Variants in MCTP1 observed in about 807,000 individuals in gnomAD.
The protein encoded by MCTP1 is multiple C2 and transmembrane domain containing 1, also known as multiple C2 and transmembrane domain-containing protein 1.
In MCTP1, 69 loss-of-function variants were observed where a neutral mutation model predicts 120.6. The ratio of observed to expected loss-of-function variants is 0.57; its 90% CI spans 0.47 to 0.70. The LOEUF is 0.70. Ranked by LOEUF, MCTP1 falls within the 30% of genes least tolerant of loss-of-function variation. The probability of loss-of-function intolerance (pLI) is 0.00; values close to 1 mark genes in which losing one functional copy is unlikely to be tolerated. For missense variants in MCTP1, 1,203 were observed against 1,248.8 expected (o/e 0.96, Z 0.55); for synonymous variants, 529 against 493.1 (o/e 1.07, Z -0.96).
At chr5:95,037,343 C>T (rs1841518966) in intron 1 of MCTP1, among the ~76,000 whole-genome samples, 1 of 152,148 alleles carries the variant, frequency 6.6e-6, no homozygotes, top group South Asian at 2.1e-4. Context: ...TAGGAAAAAG[C>T]AACGAGGTGA....
At chr5:95,178,915 GA>G (rs769755204) in intron 1 of MCTP1, among the ~76,000 whole-genome samples, 41 of 152,138 alleles carry the variant, frequency 2.7e-4, no homozygotes, top group Admixed American at 7.2e-4. Context: ...CCAACTTAAA[GA>G]AATCAAAAAC....
chr5:95,276,364 T>C (rs774693371), intron 1 of MCTP1, among the ~76,000 whole-genome samples: 5 of 147,318 alleles, frequency 3.4e-5, no homozygotes, highest in Non-Finnish European at 5.9e-5. Flanking sequence ...GTTCAAGCGA[T>C]TCTCCTGTCT....
chr5:94,886,806 G>C (rs575428127), intron 12 of MCTP1, among the ~76,000 whole-genome samples: 1 of 152,200 alleles, frequency 6.6e-6, no homozygotes, highest in South Asian at 2.1e-4. Flanking sequence ...AGAGAAAGCA[G>C]ACAAAGAACT....
intron 19 of MCTP1, among the ~76,000 whole-genome samples, chr5:94,741,435 C>A (rs890623048): frequency 2.0e-5 from 3 of 152,180 alleles, no homozygotes; most frequent in Non-Finnish European, 4.4e-5. Flanking sequence ...ACATTTATAT[C>A]TGCTTTTGGT....
At chr5:94,879,509 A>G (rs1268418585) in intron 12 of MCTP1, among the ~76,000 whole-genome samples, 1 of 152,150 alleles carries the variant, frequency 6.6e-6, no homozygotes, top group Non-Finnish European at 1.5e-5. Context: ...TAATTCTTAA[A>G]CATTTTGATC....
chr5:94,897,825 C>T (rs1157175610), intron 10 of MCTP1, among the ~76,000 whole-genome samples: 2 of 152,158 alleles, frequency 1.3e-5, no homozygotes, highest in African/African-American at 4.8e-5. Flanking sequence ...TCTTCTCCCT[C>T]CTCCCAAACT....
intron 1 of MCTP1, among the ~76,000 whole-genome samples, chr5:95,170,724 G>A (rs1747149104): frequency 6.6e-6 from 1 of 152,118 alleles, no homozygotes; most frequent in Non-Finnish European, 1.5e-5. Flanking sequence ...CAGAGACTGG[G>A]ATTGCAACCC....
chr5:94,743,525 G>C (rs1766084187), intron 19 of MCTP1, among the ~76,000 whole-genome samples: 1 of 152,116 alleles, frequency 6.6e-6, no homozygotes, highest in Non-Finnish European at 1.5e-5. Flanking sequence ...GGCTGGGTGA[G>C]AGCATGGGGC....
At chr5:94,889,076 G>C in intron 11 of MCTP1, 104 bp from the exon 12 acceptor site, 1 of 711,668 alleles carries the variant, frequency 1.4e-6, no homozygotes, top group South Asian at 1.9e-5. Context: ...AGACTCTGGG[G>C]GTAAGAAGAT....
intron 12 of MCTP1, 145 bp downstream of exon 12, chr5:94,888,734 G>A: frequency 1.9e-6 from 1 of 521,566 alleles, no homozygotes. Context: ...TCAGGGGGTT[G>A]GCAAATATTT....
rs1277151839 is a variant in MCTP1 at position 94,928,676 on chromosome 5, G to A, written c.1212+3277C>T. On this transcript the variant is annotated intron_variant, in intron 6 of 22. Coordinates refer to ENST00000515393, the MANE Select transcript of MCTP1 (RefSeq NM_024717.7). ...AATGAGTCTTTTGAAGGATGGTTCT[G>A]TCCCTAGAAGAGGCAATATTATGGA... 2.0e-5 allele frequency among the ~76,000 whole-genome samples: 3 copies of A among 152,208 alleles called. No individual in the cohort carries two copies. The East Asian group carries it at 5.8e-4, about 29-fold the overall frequency.
chr5:95,266,209 T>C (rs919914460), intron 1 of MCTP1, among the ~76,000 whole-genome samples: 1 of 152,218 alleles, frequency 6.6e-6, no homozygotes, highest in African/African-American at 2.4e-5. Context: ...TAAATAAATA[T>C]GCAGGCCATG....
At chr5:94,781,644 T>C (rs1776600234) in intron 18 of MCTP1, among the ~76,000 whole-genome samples, 3 of 152,176 alleles carry the variant, frequency 2.0e-5, no homozygotes, top group Admixed American at 2.0e-4. Flanking sequence ...AAAATAAGAT[T>C]AAGCCATAAA....
intron 18 of MCTP1, among the ~76,000 whole-genome samples, chr5:94,797,430 G>C (rs1225362429): frequency 1.3e-5 from 2 of 152,006 alleles, no homozygotes; most frequent in Non-Finnish European, 2.9e-5. Context: ...AAGTAAATGG[G>C]ACAAAAAAGC....
intron 17 of MCTP1, among the ~76,000 whole-genome samples, chr5:94,803,097 A>G (rs1348992976): frequency 6.6e-6 from 1 of 152,230 alleles, no homozygotes; most frequent in East Asian, 1.9e-4. Context: ...CCAATTCCAA[A>G]CAAAACATCT....
At chr5:95,273,447 C>T (rs895745337) in intron 1 of MCTP1, among the ~76,000 whole-genome samples, 25 of 152,174 alleles carry the variant, frequency 1.6e-4, no homozygotes, top group Non-Finnish European at 1.3e-4. Flanking sequence ...CCTTGGATCC[C>T]AACCTCCTTC....
intron 8 of MCTP1, among the ~76,000 whole-genome samples, chr5:94,914,602 A>G (rs1358585851): frequency 1.3e-5 from 2 of 152,030 alleles, no homozygotes; most frequent in Non-Finnish European, 2.9e-5. Context: ...TGCCCTATGA[A>G]TATCAACGCA....
chr5:94,733,762 G>A (rs1763589265), intron 19 of MCTP1, among the ~76,000 whole-genome samples: 1 of 151,998 alleles, frequency 6.6e-6, no homozygotes, highest in African/African-American at 2.4e-5. Flanking sequence ...TCAGGAGTTC[G>A]AGACCAGCCT....
intron 2 of MCTP1, among the ~76,000 whole-genome samples, chr5:94,957,044 C>T (rs1313420157): frequency 6.6e-6 from 1 of 152,164 alleles, no homozygotes; most frequent in African/African-American, 2.4e-5. Flanking sequence ...CAAAGGGAAG[C>T]CCATCAGACT....
Sources: gnomAD v4.1 joint callset for allele counts (sites outside exome capture counted in the v4.1 genomes callset) on GRCh38, gnomAD v4.1.1 for gene constraint, MANE v1.5 for transcripts, NCBI Gene and HGNC (gene_info 2026-07-23, HGNC 2026-07-21) for gene names.